The following DPP10 variants were observed in gnomAD, a reference collection of about 807,000 sequenced individuals.
The protein encoded by DPP10 is inactive dipeptidyl peptidase 10.
In DPP10, 33 loss-of-function variants were observed where a neutral mutation model predicts 120.9. That is an observed-to-expected ratio of 0.27 (90% CI 0.21 to 0.37). The LOEUF (loss-of-function observed/expected upper bound fraction) is 0.37, where lower values mean the gene tolerates loss of function less well. DPP10 is among the 10% of genes least tolerant of loss of function. DPP10 has a pLI of 1.00. For missense variants in DPP10, 816 were observed against 942.8 expected, an observed-to-expected ratio of 0.87 and a Z score of 1.76; for synonymous variants, 337 against 326.1, an observed-to-expected ratio of 1.03 and a Z score of -0.36.
chr2:114,766,718 T>G (rs915675839), intron 1 of DPP10, among the ~76,000 whole-genome samples: 35 of 152,266 alleles, frequency 2.3e-4, no homozygotes, highest in African/African-American at 8.4e-4. Flanking sequence ...GTAACACTCT[T>G]GAAATAACAA....
At chr2:115,457,944 A>T (rs1052091272) in intron 3 of DPP10, among the ~76,000 whole-genome samples, 1 of 152,188 alleles carries the variant, frequency 6.6e-6, no homozygotes, top group Non-Finnish European at 1.5e-5. Context: ...AAAAATGTAT[A>T]TATATACAGT....
In DPP10 at chr2:114,813,683, TC is replaced by T. The variant is rs1233150466; in HGVS notation, c.60+370846del. ...TTAATCCAAGTGCTTGTCACCATTG[TC>T]TTTGGCAGAAGCATTATGTCTATGG... is the stretch of plus-strand genomic sequence containing the variant. On this transcript the variant is annotated intron_variant, in intron 1 of 25. Transcript: ENST00000410059. Among the ~76,000 whole-genome samples the T allele has an allele frequency of 2.2e-4, 33 of 152,090 alleles. 1 individual carries two copies. The highest frequency in any genetic ancestry group is 2.2e-3 in the Admixed American group (33 of 15,256).
chr2:115,242,629 A>T (rs1220648357), intron 1 of DPP10, among the ~76,000 whole-genome samples: 2 of 150,022 alleles, frequency 1.3e-5, no homozygotes, highest in Non-Finnish European at 2.9e-5. Context: ...TACTACCAGC[A>T]GTGTAGAGGT....
chr2:115,489,343 C>A (rs78153010), intron 3 of DPP10, among the ~76,000 whole-genome samples: 50 of 151,892 alleles, frequency 3.3e-4, no homozygotes, highest in African/African-American at 1.2e-3. Context: ...AGGCCCCCAA[C>A]AGACCAAACA....
At chr2:115,803,181 T>C (rs553066939) in intron 19 of DPP10, among the ~76,000 whole-genome samples, 26 of 152,338 alleles carry the variant, frequency 1.7e-4, no homozygotes, top group African/African-American at 5.5e-4. Flanking sequence ...TTTACTATTA[T>C]GTAATTTCCT....
intron 3 of DPP10, among the ~76,000 whole-genome samples, chr2:115,479,903 G>A (rs974098332): frequency 6.6e-6 from 1 of 152,152 alleles, no homozygotes; most frequent in African/African-American, 2.4e-5. Context: ...GCAGTGGCAT[G>A]CACCTTGCAG....
At chr2:114,780,085 G>A (rs1461673567) in intron 1 of DPP10, among the ~76,000 whole-genome samples, 3 of 151,900 alleles carry the variant, frequency 2.0e-5, no homozygotes, top group East Asian at 2.0e-4. Flanking sequence ...GCAGTGAGCC[G>A]AGATTGCACC....
intron 1 of DPP10, among the ~76,000 whole-genome samples, chr2:115,208,884 A>G (rs1297599538): frequency 6.6e-6 from 1 of 152,130 alleles, no homozygotes; most frequent in Non-Finnish European, 1.5e-5. Flanking sequence ...CTATAAAAAT[A>G]TTCATAATTC....
chr2:114,855,314 C>T (rs1689285737), intron 1 of DPP10, among the ~76,000 whole-genome samples: 2 of 152,024 alleles, frequency 1.3e-5, no homozygotes, highest in Non-Finnish European at 2.9e-5. Context: ...TTAAAATGTG[C>T]TTTTTTAAAT....
intron 5 of DPP10, among the ~76,000 whole-genome samples, chr2:115,627,493 G>A (rs1428007690): frequency 2.0e-5 from 3 of 152,130 alleles, no homozygotes; most frequent in Non-Finnish European, 4.4e-5. Flanking sequence ...GGAGGATGTG[G>A]TTGGTTTAGT....
intron 21 of DPP10, among the ~76,000 whole-genome samples, chr2:115,820,799 A>ATGTGTG (rs869085100): frequency 0.31 from 32,202 of 104,748 alleles, 4,316 homozygotes; most frequent in East Asian, 0.55. Flanking sequence ...TCCATGGTGT[A>ATGTGTG]TGTGTGTGTG....
intron 1 of DPP10, among the ~76,000 whole-genome samples, chr2:115,170,357 T>TAAA (rs1350574590): frequency 6.6e-6 from 1 of 152,144 alleles, no homozygotes; most frequent in African/African-American, 2.4e-5. Flanking sequence ...TCTTCTCTCT[T>TAAA]AGACACAGAA....
chr2:114,510,744 A>T (rs1239194080), intron 1 of DPP10, among the ~76,000 whole-genome samples: 1 of 151,968 alleles, frequency 6.6e-6, no homozygotes, highest in Non-Finnish European at 1.5e-5. Flanking sequence ...TCTTTGAGAC[A>T]TTCATTGGTT....
intron 1 of DPP10, among the ~76,000 whole-genome samples, chr2:115,212,680 ATAGT>A (rs1208228691): frequency 6.6e-6 from 1 of 152,176 alleles, no homozygotes; most frequent in Admixed American, 6.6e-5. Context: ...ATAAATAAAA[ATAGT>A]TATTTATGTG....
chr2:114,601,694 G>A (rs1692380354), intron 1 of DPP10, among the ~76,000 whole-genome samples: 1 of 151,980 alleles, frequency 6.6e-6, no homozygotes. Flanking sequence ...TCTTGGCTAT[G>A]TTACATCTGA....
chr2:115,715,028 C>CAAAAA (rs70941091), intron 7 of DPP10, among the ~76,000 whole-genome samples: 7 of 66,128 alleles, frequency 1.1e-4, no homozygotes, highest in African/African-American at 3.9e-4. Context: ...GACTCTGTCT[C>CAAAAA]AAAAAAAAAA....
At chr2:115,217,631 T>C (rs2105392282) in intron 1 of DPP10, among the ~76,000 whole-genome samples, 1 of 152,298 alleles carries the variant, frequency 6.6e-6, no homozygotes, top group South Asian at 2.1e-4. Context: ...ACATATGATC[T>C]TATTTTACTT....
intron 5 of DPP10, among the ~76,000 whole-genome samples, chr2:115,609,000 A>G (rs563672735): frequency 6.3e-4 from 96 of 152,114 alleles, no homozygotes; most frequent in Non-Finnish European, 1.2e-3. Context: ...AACCGAGAAA[A>G]TGGGAAAGAA....
intron 5 of DPP10, among the ~76,000 whole-genome samples, chr2:115,623,794 G>T (rs768999508): frequency 3.3e-5 from 5 of 152,012 alleles, no homozygotes; most frequent in Non-Finnish European, 5.9e-5. Context: ...CATATCTCTA[G>T]CAAGATTTCC....
Sources: allele counts gnomAD v4.1 joint callset (sites outside exome capture counted in the v4.1 genomes callset), GRCh38; gene constraint gnomAD v4.1.1; transcripts MANE v1.5; gene names NCBI Gene and HGNC (gene_info 2026-07-23, HGNC 2026-07-21).